The following PLXDC2 variants were observed in gnomAD, a reference collection of about 807,000 sequenced individuals.
PLXDC2 encodes plexin domain containing 2.
Under a neutral mutation model 68.9 loss-of-function variants are expected in PLXDC2, and 40 were observed. The ratio of observed to expected loss-of-function variants is 0.58; its 90% confidence interval spans 0.45 to 0.76. The LOEUF is 0.76. PLXDC2 is among the 30% of genes least tolerant of loss of function. The pLI is 0.00. For synonymous variants in PLXDC2, 243 were observed against 234.2 expected (o/e 1.04, Z -0.34); for missense variants, 644 against 661.9 (o/e 0.97, Z 0.30).
chr10:19,854,986 C>T (rs1038535637), intron 1 of PLXDC2, among the ~76,000 whole-genome samples: 2 of 152,342 alleles, frequency 1.3e-5, no homozygotes, highest in East Asian at 1.9e-4. Flanking sequence ...AAATCTCCCA[C>T]AGTTCTTAAA....
chr10:20,058,685 T>G (rs1836045961), intron 3 of PLXDC2, among the ~76,000 whole-genome samples: 1 of 152,224 alleles, frequency 6.6e-6, no homozygotes, highest in Admixed American at 6.5e-5. Context: ...TTCCATTATC[T>G]GAACGATAAA....
chr10:20,093,831 G>A (rs1833313313), intron 4 of PLXDC2, among the ~76,000 whole-genome samples: 1 of 152,014 alleles, frequency 6.6e-6, no homozygotes, highest in African/African-American at 2.4e-5. Context: ...GCACCACCAT[G>A]CCTGGCTAAT....
intron 1 of PLXDC2, among the ~76,000 whole-genome samples, chr10:19,820,978 G>T (rs1836456822): frequency 6.6e-6 from 1 of 152,156 alleles, no homozygotes; most frequent in African/African-American, 2.4e-5. Flanking sequence ...TACTTGGGAG[G>T]ATGAGGCAGG....
At chr10:20,229,746 T>C (rs966044800) in intron 12 of PLXDC2, among the ~76,000 whole-genome samples, 2 of 152,198 alleles carry the variant, frequency 1.3e-5, no homozygotes, top group East Asian at 3.8e-4. Context: ...TTGTGCAAGA[T>C]TTTTAATGTA....
At chr10:20,094,339 T>G (rs1833320121) in intron 4 of PLXDC2, among the ~76,000 whole-genome samples, 1 of 152,210 alleles carries the variant, frequency 6.6e-6, no homozygotes, top group Non-Finnish European at 1.5e-5. Context: ...TGGCATATCC[T>G]GAGACACAGA....
At chr10:19,975,282 G>A (rs541427187) in intron 1 of PLXDC2, among the ~76,000 whole-genome samples, 15 of 151,764 alleles carry the variant, frequency 9.9e-5, no homozygotes, top group African/African-American at 2.7e-4. Context: ...GTGAAACCCC[G>A]TCTCTACTAA....
At chr10:20,137,354 A>G (rs1833947494) in intron 4 of PLXDC2, among the ~76,000 whole-genome samples, 1 of 152,230 alleles carries the variant, frequency 6.6e-6, no homozygotes, top group Non-Finnish European at 1.5e-5. Context: ...TAACTGAGGT[A>G]CACAGAGTTT....
intron 1 of PLXDC2, among the ~76,000 whole-genome samples, chr10:19,868,485 T>C (rs926240333): frequency 6.6e-6 from 1 of 152,326 alleles, no homozygotes; most frequent in Admixed American, 6.5e-5. Context: ...ACCAATGTCT[T>C]GCAATGTCTG....
intron 1 of PLXDC2, among the ~76,000 whole-genome samples, chr10:20,000,860 C>A (rs1458787894): frequency 6.6e-6 from 1 of 152,182 alleles, no homozygotes; most frequent in African/African-American, 2.4e-5. Flanking sequence ...CCATTCATAT[C>A]TTTTACTAAT....
rs747835988 is a variant in PLXDC2, at chr10:20,284,312, C to CATATATATATATATATAT, written c.*4495_*4512dup. On this transcript the variant is annotated 3_prime_UTR_variant, in exon 14 of 14. Transcript: ENST00000377252. Reference sequence around the variant, plus strand: ...GTGAGACCCATCTCTATCAAATATACATATATATATATATATATACACACA... The same window carrying CATATATATATATATATAT: ...GTGAGACCCATCTCTATCAAATATACATATATATATATATATATATATATATATATATATATACACACA... 39 of 125,280 alleles carry CATATATATATATATATAT rather than the reference C, an allele frequency of 3.1e-4. 1 individual carries two copies. The highest frequency in any genetic ancestry group is 6.0e-4 in the African/African-American group (19 of 31,498). 7.8% of individuals were successfully genotyped at this position (125,280 alleles called of 1,614,324 possible). A position where few individuals can be genotyped will look rare whatever the true frequency, so the allele number is the denominator to read the frequency against.
chr10:20,263,571 A>G (rs1435647394), intron 13 of PLXDC2, among the ~76,000 whole-genome samples: 1 of 152,190 alleles, frequency 6.6e-6, no homozygotes, highest in Non-Finnish European at 1.5e-5. Context: ...TAAACAGTCA[A>G]CCTGCAGAAT....
intron 1 of PLXDC2, among the ~76,000 whole-genome samples, chr10:19,931,820 A>G (rs997682291): frequency 1.3e-5 from 2 of 152,148 alleles, no homozygotes; most frequent in East Asian, 3.8e-4. Context: ...TTGTCTCCAC[A>G]TTCCCTCTTT....
At chr10:20,099,939 T>C (rs952427835) in intron 4 of PLXDC2, among the ~76,000 whole-genome samples, 1 of 152,130 alleles carries the variant, frequency 6.6e-6, no homozygotes, top group African/African-American at 2.4e-5. Context: ...CACAAACCAG[T>C]ATGTATTAGT....
chr10:19,833,317 T>C (rs2131311060), intron 1 of PLXDC2, among the ~76,000 whole-genome samples: 2 of 152,318 alleles, frequency 1.3e-5, no homozygotes, highest in East Asian at 1.9e-4. Context: ...GTGGGAACAG[T>C]AAATTGCAGC....
rs1836344385 is a variant in PLXDC2, at chr10:19,816,564, A to G, written c.-516A>G. On this transcript the variant is annotated 5_prime_UTR_variant, in exon 1 of 14. Transcript: ENST00000377252. ...AACTTGTCGGGAGGGTTTCGTCATC[A>G]ACCTCCTTCCCGCAAACCTAAACCT... The G allele has an allele frequency of 1.3e-5, 2 of 155,898 alleles. No homozygotes were observed. The highest frequency in any genetic ancestry group is 6.3e-5 in the Admixed American group (1 of 15,896). 9.7% of individuals were successfully genotyped at this position (155,898 alleles called of 1,614,324 possible).
At chr10:20,244,472 G>A (rs764624719) in intron 12 of PLXDC2, among the ~76,000 whole-genome samples, 9 of 152,130 alleles carry the variant, frequency 5.9e-5, no homozygotes, top group Non-Finnish European at 1.0e-4. Flanking sequence ...TTGCTGTGGC[G>A]CTCCTCTTAG....
intron 1 of PLXDC2, among the ~76,000 whole-genome samples, chr10:19,960,960 C>T (rs894281479): frequency 6.6e-6 from 1 of 152,204 alleles, no homozygotes; most frequent in Non-Finnish European, 1.5e-5. Context: ...AGCTGAGCAG[C>T]AGTAAGTTAC....
At chr10:20,113,170 TGC>T (rs778489525) in intron 4 of PLXDC2, among the ~76,000 whole-genome samples, 7 of 152,328 alleles carry the variant, frequency 4.6e-5, no homozygotes, top group Non-Finnish European at 8.8e-5. Context: ...CAAAGACAAC[TGC>T]CTCAACAGGT....
chr10:20,026,347 C>T (rs1203529535), intron 2 of PLXDC2, among the ~76,000 whole-genome samples: 1 of 152,074 alleles, frequency 6.6e-6, no homozygotes, highest in Non-Finnish European at 1.5e-5. Flanking sequence ...GGCATTTCAA[C>T]TGCAAAGACT....
Sources: allele counts gnomAD v4.1 joint callset (sites outside exome capture counted in the v4.1 genomes callset), GRCh38; gene constraint gnomAD v4.1.1; transcripts MANE v1.5; gene names NCBI Gene and HGNC (gene_info 2026-07-23, HGNC 2026-07-21).